Variants in SCML4 observed in about 807,000 individuals in gnomAD.
SCML4 encodes Scm polycomb group protein like 4, also known as sex comb on midleg-like protein 4.
Under a neutral mutation model 41.1 loss-of-function variants are expected in SCML4, and 34 were observed. The ratio of observed to expected loss-of-function variants is 0.83; its 90% CI spans 0.63 to 1.10. SCML4 has a LOEUF of 1.10. Ranked by LOEUF, SCML4 falls within the 50% of genes least tolerant of loss-of-function variation. SCML4 has a pLI of 0.00. For missense variants in SCML4, 522 were observed against 534.1 expected (o/e 0.98, Z 0.22); for synonymous variants, 214 against 220.9 (o/e 0.97, Z 0.28).
intron 1 of SCML4, among the ~76,000 whole-genome samples, chr6:107,803,181 G>A (rs2114638978): frequency 6.7e-6 from 1 of 150,272 alleles, no homozygotes; most frequent in East Asian, 2.0e-4. Context: ...TGGGAAGTGA[G>A]GAGCGTCTCT....
intron 5 of SCML4, among the ~76,000 whole-genome samples, chr6:107,734,134 T>G (rs1583441721): frequency 6.6e-6 from 1 of 151,974 alleles, no homozygotes; most frequent in African/African-American, 2.4e-5. Flanking sequence ...CCATTTGGCC[T>G]CTTTTTTTCA....
chr6:107,743,630 G>A (rs1006727074), intron 5 of SCML4, among the ~76,000 whole-genome samples: 4 of 152,178 alleles, frequency 2.6e-5, no homozygotes, highest in African/African-American at 9.7e-5. Context: ...ATCTAGGCCC[G>A]GAGAGAGATG....
At chr6:107,788,566 C>A (rs1396950379) in intron 1 of SCML4, among the ~76,000 whole-genome samples, 4 of 152,212 alleles carry the variant, frequency 2.6e-5, no homozygotes. Context: ...CCCATCCAGA[C>A]AATGCGACAT....
At chr6:107,783,859 C>T (rs1435729098) in intron 1 of SCML4, among the ~76,000 whole-genome samples, 1 of 152,132 alleles carries the variant, frequency 6.6e-6, no homozygotes. Flanking sequence ...TTGGCTAGGT[C>T]CCTACTAGAA....
intron 1 of SCML4, among the ~76,000 whole-genome samples, chr6:107,778,223 ATAT>A (rs1193765623): frequency 1.9e-3 from 6 of 3,130 alleles, no homozygotes; most frequent in Admixed American, 6.0e-3. Context: ...AAAAAAAAAA[ATAT>A]ATATATATAT....
intron 3 of SCML4, among the ~76,000 whole-genome samples, chr6:107,747,557 G>A (rs1411422900): frequency 6.6e-6 from 1 of 150,426 alleles, no homozygotes; most frequent in Non-Finnish European, 1.5e-5. Context: ...TGTATTGGGT[G>A]AATTTTTTAC....
intron 5 of SCML4, among the ~76,000 whole-genome samples, chr6:107,736,976 C>T (rs545663527): frequency 1.3e-5 from 2 of 152,376 alleles, no homozygotes; most frequent in South Asian, 4.1e-4. Flanking sequence ...CTTCAAAAGG[C>T]AGGAAACCAG....
intron 5 of SCML4, among the ~76,000 whole-genome samples, chr6:107,737,245 G>C (rs1016781116): frequency 6.6e-6 from 1 of 152,164 alleles, no homozygotes. Flanking sequence ...TAAGGATCTG[G>C]GGAGAACAGA....
intron 2 of SCML4, among the ~76,000 whole-genome samples, chr6:107,754,248 AT>A (rs1175234897): frequency 6.6e-6 from 1 of 152,240 alleles, no homozygotes; most frequent in African/African-American, 2.4e-5. Context: ...TGAGTGTCAC[AT>A]TTCAAAATTA....
intron 1 of SCML4, among the ~76,000 whole-genome samples, chr6:107,802,580 GAGGAAGGAAGGAAGGAAGGA>G (rs1163058698): frequency 2.7e-5 from 1 of 36,410 alleles, no homozygotes; most frequent in African/African-American, 8.1e-5. Flanking sequence ...GGGAGGGAGG[GAGGAAGGAAGGAAGGAAGGA>G]AGGAAGGAAG....
chr6:107,775,466 G>T (rs1247627099), intron 1 of SCML4, among the ~76,000 whole-genome samples: 1 of 152,210 alleles, frequency 6.6e-6, no homozygotes, highest in Non-Finnish European at 1.5e-5. Flanking sequence ...TCTGTCTTCT[G>T]CCAGCATCTG....
chr6:107,725,321 A>G (rs1334400226), intron 5 of SCML4, among the ~76,000 whole-genome samples: 1 of 152,222 alleles, frequency 6.6e-6, no homozygotes, highest in Non-Finnish European at 1.5e-5. Context: ...TACATCTCTT[A>G]TGCGTTGATT....
chr6:107,750,627 G>A (rs1778534056), intron 2 of SCML4, among the ~76,000 whole-genome samples: 1 of 152,166 alleles, frequency 6.6e-6, no homozygotes, highest in Non-Finnish European at 1.5e-5. Context: ...GTCAGTCTCT[G>A]GAAGTGAGAC....
chr6:107,766,039 G>C (rs1049233702), intron 2 of SCML4, among the ~76,000 whole-genome samples: 7 of 152,184 alleles, frequency 4.6e-5, no homozygotes, highest in African/African-American at 1.4e-4. Context: ...AGTCCCAGCT[G>C]TTTGGGAGGC....
chr6:107,832,888 C>T, the SCML4 span, among the ~76,000 whole-genome samples: 1 of 152,302 alleles, frequency 6.6e-6, no homozygotes, highest in East Asian at 1.9e-4. Flanking sequence ...GAAATGCTTG[C>T]TGTGGTTGAA....
the SCML4 span, among the ~76,000 whole-genome samples, chr6:107,845,108 C>T: frequency 6.6e-6 from 1 of 151,670 alleles, no homozygotes; most frequent in Non-Finnish European, 1.5e-5. Flanking sequence ...ATGTGGCACA[C>T]GCCTATAATC....
At chr6:107,728,503 G>A (rs1776217423) in intron 5 of SCML4, among the ~76,000 whole-genome samples, 1 of 152,162 alleles carries the variant, frequency 6.6e-6, no homozygotes, top group Admixed American at 6.5e-5. Context: ...CAGCTACTCA[G>A]GAGGCTGAGG....
chr6:107,824,971 C>T (rs73491963), upstream of SCML4, among the ~76,000 whole-genome samples: 3,413 of 152,198 alleles, frequency 0.022, 120 homozygotes, highest in African/African-American at 0.076. Context: ...TTCATTAAAG[C>T]CGGCCCTGAC....
chr6:107,839,471 A>C, the SCML4 span, among the ~76,000 whole-genome samples: 1 of 152,138 alleles, frequency 6.6e-6, no homozygotes, highest in African/African-American at 2.4e-5. Context: ...AGAAATTTAC[A>C]GGCAAATATC....
Sources: allele counts gnomAD v4.1 joint callset (sites outside exome capture counted in the v4.1 genomes callset), GRCh38; gene constraint gnomAD v4.1.1; transcripts MANE v1.5; gene names NCBI Gene and HGNC (gene_info 2026-07-23, HGNC 2026-07-21).